DAB2IP: variants seen among roughly 807,000 people sequenced by gnomAD.
DAB2IP encodes disabled homolog 2-interacting protein.
Under a neutral mutation model 107.2 loss-of-function variants are expected in DAB2IP, and 28 were observed. That is an observed-to-expected ratio of 0.26 (90% CI 0.19 to 0.36). The LOEUF (loss-of-function observed/expected upper bound fraction) is 0.36. Ranked by LOEUF, DAB2IP falls within the 10% of genes least tolerant of loss-of-function variation. DAB2IP has a pLI of 1.00. For missense variants in DAB2IP, 1,400 were observed against 1,644.7 expected (o/e 0.85, Z 2.57); for synonymous variants, 755 against 706.4 (o/e 1.07, Z -1.09).
At chr9:121,670,785 G>A (rs1024476656) in intron 1 of DAB2IP, among the ~76,000 whole-genome samples, 1 of 152,200 alleles carries the variant, frequency 6.6e-6, no homozygotes, top group African/African-American at 2.4e-5. Context: ...GGGAGGCCGA[G>A]GCTGGCGGAT....
At chr9:121,768,687 G>A in intron 10 of DAB2IP, 54 bp downstream of exon 10, 1 of 1,602,208 alleles carries the variant, frequency 6.2e-7, no homozygotes, top group South Asian at 1.1e-5. Flanking sequence ...CAGGCTTTTA[G>A]TGTTCCCCCT....
rs1020319945 is a variant in DAB2IP, at chr9:121,701,376, G to T, written c.362+1918G>T. ...GTCAGCCTTGCCACATGCTGAAGGG[G>T]CGCAGAGTGGGGGTTGGGAGTGAAA... On this transcript the variant is annotated intron_variant, in intron 3 of 15. Coordinates refer to ENST00000408936, the Ensembl canonical transcript of DAB2IP. The surrounding 1 kb of genome is among the most constrained non-coding windows in gnomAD (Gnocchi z 4.7). Among the ~76,000 whole-genome samples, 9 of 152,238 alleles carry T rather than the reference G, an allele frequency of 5.9e-5. No individual in the cohort carries two copies. The highest frequency in any genetic ancestry group is 2.6e-4 in the Admixed American group (4 of 15,290).
intron 1 of DAB2IP, among the ~76,000 whole-genome samples, chr9:121,596,756 T>A (rs958464102): frequency 6.6e-6 from 1 of 150,870 alleles, no homozygotes; most frequent in Non-Finnish European, 1.5e-5. Flanking sequence ...AGGTTCTCTA[T>A]GTCAAGACTC....
intron 13 of DAB2IP, 37 bp downstream of exon 13, chr9:121,774,449 G>A (rs768512257): frequency 3.2e-6 from 5 of 1,552,292 alleles, no homozygotes; most frequent in Non-Finnish European, 3.5e-6. Flanking sequence ...ACAGGGCGGG[G>A]CTGCCTCCCG....
At chr9:121,623,905 T>C (rs1257364653) in intron 1 of DAB2IP, among the ~76,000 whole-genome samples, 2 of 152,156 alleles carry the variant, frequency 1.3e-5, no homozygotes, top group Non-Finnish European at 2.9e-5. Flanking sequence ...CCAGGCGGGT[T>C]AAGGTTTTGA....
intron 3 of DAB2IP, among the ~76,000 whole-genome samples, chr9:121,747,754 TA>T (rs1832816826): frequency 6.6e-6 from 1 of 151,862 alleles, no homozygotes; most frequent in South Asian, 2.1e-4. Flanking sequence ...GTCTGACAGC[TA>T]TTGATTAAAA....
At chr9:121,671,940 G>A (rs577082827) in intron 1 of DAB2IP, among the ~76,000 whole-genome samples, 4 of 152,210 alleles carry the variant, frequency 2.6e-5, no homozygotes, top group Non-Finnish European at 5.9e-5. Context: ...TTGACTGGAT[G>A]AGTAGGAGGG....
intron 3 of DAB2IP, among the ~76,000 whole-genome samples, chr9:121,747,297 C>T (rs1832781239): frequency 6.6e-6 from 1 of 150,614 alleles, no homozygotes; most frequent in Non-Finnish European, 1.5e-5. Context: ...CAGCTCACTT[C>T]TGATTTGCCC....
chr9:121,616,836 C>T lies in DAB2IP; in HGVS notation c.40+49608C>T, dbSNP rs542177710. Among the ~76,000 whole-genome samples, 33 of 152,316 alleles carry T rather than the reference C, an allele frequency of 2.2e-4. No homozygotes were observed. In the South Asian group the frequency reaches 6.2e-3, roughly 29 times the overall value. On this transcript the variant is annotated intron_variant, in intron 1 of 16. Transcript: ENST00000259371. The stretch of plus-strand genomic sequence containing the variant: ...CTTGGAGAGCCTTTAAAGAGAGCAG[C>T]GGCTCCCAGTTGGCTTGACCTTTCT...
rs752902602 is a variant in DAB2IP, at chr9:121,770,531, G to A, written c.1900-15G>A. 2.5e-6 allele frequency: 4 copies of A among 1,609,326 alleles called. No individual in the cohort carries two copies. Among genetic ancestry groups the A allele is most frequent in the Non-Finnish European group, 3.4e-6 (4 of 1,176,416 alleles). ...TCCCAGGAGGTCACACCTGCCTCTT[G>A]CTGTGCCTTTACAGAGCATAGTATC... On this transcript the variant is annotated splice_polypyrimidine_tract_variant and intron_variant, in intron 10 of 15. Transcript: ENST00000408936.
chr9:121,753,404 G>A (rs573999166), intron 3 of DAB2IP, among the ~76,000 whole-genome samples: 12 of 152,338 alleles, frequency 7.9e-5, no homozygotes, highest in East Asian at 3.9e-4. Context: ...GGAGGATGCC[G>A]TGGGCCATGC....
At chr9:121,765,879 C>T (rs1324814219) in intron 8 of DAB2IP, among the ~76,000 whole-genome samples, 1 of 152,218 alleles carries the variant, frequency 6.6e-6, no homozygotes, top group Non-Finnish European at 1.5e-5. Flanking sequence ...CCTCCCTTTC[C>T]CTCCCCATGT....
At chr9:121,612,617 A>T (rs1571802) in intron 1 of DAB2IP, among the ~76,000 whole-genome samples, 22,144 of 152,150 alleles carry the variant, frequency 0.15, 2,027 homozygotes, top group East Asian at 0.36. Context: ...AACAAGTCTC[A>T]GCTGCTGCTC....
intron 1 of DAB2IP, among the ~76,000 whole-genome samples, chr9:121,588,879 C>G (rs963014678): frequency 1.3e-5 from 2 of 151,836 alleles, no homozygotes; most frequent in Admixed American, 6.6e-5. Flanking sequence ...GAGCTAAGCA[C>G]TGAGGGACTA....
intron 3 of DAB2IP, among the ~76,000 whole-genome samples, chr9:121,754,706 C>T (rs1456282159): frequency 1.3e-5 from 2 of 152,098 alleles, no homozygotes; most frequent in South Asian, 4.1e-4. Flanking sequence ...ACCACAGACT[C>T]CAGGATCTGG....
chr9:121,687,439 C>A (rs1353695422), intron 2 of DAB2IP, among the ~76,000 whole-genome samples: 1 of 152,158 alleles, frequency 6.6e-6, no homozygotes, highest in African/African-American at 2.4e-5. Context: ...CAGGCTGGGG[C>A]CAACAGACAC....
At chr9:121,715,548 T>G (rs1830556093) in intron 3 of DAB2IP, among the ~76,000 whole-genome samples, 1 of 151,942 alleles carries the variant, frequency 6.6e-6, no homozygotes, top group Non-Finnish European at 1.5e-5. Flanking sequence ...ACAGACAGGG[T>G]TTCACTGTGT....
intron 1 of DAB2IP, among the ~76,000 whole-genome samples, chr9:121,674,609 C>T (rs73664505): frequency 2.6e-5 from 4 of 152,254 alleles, no homozygotes; most frequent in African/African-American, 7.2e-5. Flanking sequence ...TTGCTATAGA[C>T]CTGTTGTTGA....
intron 1 of DAB2IP, among the ~76,000 whole-genome samples, chr9:121,568,476 G>A (rs746598968): frequency 2.6e-5 from 4 of 152,184 alleles, no homozygotes; most frequent in Admixed American, 6.5e-5. Context: ...CTTAGTGAAT[G>A]GAAGGAGGAG....
Sources: gnomAD v4.1 joint callset for allele counts (sites outside exome capture counted in the v4.1 genomes callset) on GRCh38, gnomAD v4.1.1 for gene constraint, Gnocchi (gnomAD v3.1) non-coding constraint, MANE v1.5 for transcripts, NCBI Gene and HGNC (gene_info 2026-07-23, HGNC 2026-07-21) for gene names.